The following SLX4IP variants were observed in gnomAD, a reference collection of about 807,000 sequenced individuals.
The protein encoded by SLX4IP is SLX4 interacting protein.
A neutral mutation model predicts 32.9 loss-of-function variants in SLX4IP; 34 were observed. The ratio of observed to expected loss-of-function variants is 1.03; its 90% CI spans 0.79 to 1.38. The LOEUF is 1.38. Among genes scored for constraint, SLX4IP ranks in the 40% most tolerant of loss-of-function variants. The probability of loss-of-function intolerance (pLI) is 0.00; values close to 1 mark genes in which losing one functional copy is unlikely to be tolerated. For missense variants in SLX4IP, 444 were observed against 479.0 expected (o/e 0.93, Z 0.68); for synonymous variants, 172 against 171.7 (o/e 1.00, Z -0.01).
At chr20:10,586,758 A>G (rs1373497012) in intron 4 of SLX4IP, among the ~76,000 whole-genome samples, 1 of 152,224 alleles carries the variant, frequency 6.6e-6, no homozygotes, top group African/African-American at 2.4e-5. Context: ...AAATTAAAAT[A>G]AAAGACTATT....
rs987585018 is a variant in SLX4IP at position 10,526,570 on chromosome 20, C to T, written c.28-29661C>T. Among the ~76,000 whole-genome samples, 10 of 152,104 alleles carry T rather than the reference C, an allele frequency of 6.6e-5. 1 individual carries two copies. The highest frequency in any genetic ancestry group is 6.5e-4 in the Admixed American group (10 of 15,278). On this transcript the variant is annotated intron_variant, in intron 2 of 7. Transcript: ENST00000334534. ...TTTTAGTAGGCTTCTGTATTTGTTT[C>T]CTATGGATGACATAACAAATTGCCA... is the stretch of plus-strand genomic sequence containing the variant.
intron 6 of SLX4IP, chr20:10,613,906 A>G: frequency 7.0e-7 from 1 of 1,433,186 alleles, no homozygotes; most frequent in Non-Finnish European, 9.8e-7. Context: ...ATCTTTTTAA[A>G]GAGTAGCCGC....
chr20:10,452,680 A>ATATATATATAT (rs1555805196), intron 1 of SLX4IP, among the ~76,000 whole-genome samples: 1 of 109,520 alleles, frequency 9.1e-6, no homozygotes, highest in African/African-American at 3.5e-5. Flanking sequence ...AAAAAAAAAA[A>ATATATATATAT]ATATATATAT....
At chr20:10,585,182 A>G (rs1284110469) in intron 4 of SLX4IP, among the ~76,000 whole-genome samples, 2 of 152,074 alleles carry the variant, frequency 1.3e-5, no homozygotes, top group East Asian at 3.9e-4. Context: ...GTCCTCTTTC[A>G]TACTCTCATT....
At chr20:10,488,761 A>C (rs1460185479) in intron 2 of SLX4IP, among the ~76,000 whole-genome samples, 1 of 152,176 alleles carries the variant, frequency 6.6e-6, no homozygotes, top group Non-Finnish European at 1.5e-5. Flanking sequence ...TAAGCAAAGA[A>C]TATGTTTTTT....
chr20:10,566,395 A>G (rs2066394770), intron 4 of SLX4IP, among the ~76,000 whole-genome samples: 1 of 151,354 alleles, frequency 6.6e-6, no homozygotes, highest in South Asian at 2.1e-4. Context: ...ATTGCCATAA[A>G]GAGCCTGAAA....
At chr20:10,502,375 G>T (rs34756323) in intron 2 of SLX4IP, among the ~76,000 whole-genome samples, 37,317 of 151,958 alleles carry the variant, frequency 0.25, 5,199 homozygotes, top group African/African-American at 0.38. Context: ...ATCACTCCTC[G>T]GCTCCAATGC....
At chr20:10,609,780 A>G (rs1232677871) in intron 6 of SLX4IP, among the ~76,000 whole-genome samples, 1 of 152,140 alleles carries the variant, frequency 6.6e-6, no homozygotes, top group Non-Finnish European at 1.5e-5. Context: ...GGCCTTTGTC[A>G]GAGAAGGCAT....
intron 3 of SLX4IP, among the ~76,000 whole-genome samples, chr20:10,558,448 T>C (rs1361781547): frequency 6.6e-6 from 1 of 152,136 alleles, no homozygotes; most frequent in Non-Finnish European, 1.5e-5. Context: ...GCTATGACTT[T>C]AGCTTAGGTT....
chr20:10,566,310 T>C (rs2066393417), intron 4 of SLX4IP, among the ~76,000 whole-genome samples: 2 of 124,064 alleles, frequency 1.6e-5, no homozygotes, highest in East Asian at 2.2e-4. Flanking sequence ...TTTTTTTTTT[T>C]TGTCTATATA....
intron 2 of SLX4IP, 107 bp downstream of exon 2, chr20:10,458,338 T>G (rs375181811): frequency 8.5e-7 from 1 of 1,173,706 alleles, no homozygotes; most frequent in Non-Finnish European, 1.2e-6. Context: ...CTTTTTACAC[T>G]TGGGACTCTG....
chr20:10,599,794 C>T (rs1055847793), intron 5 of SLX4IP, among the ~76,000 whole-genome samples: 3 of 152,120 alleles, frequency 2.0e-5, no homozygotes, highest in Non-Finnish European at 4.4e-5. Context: ...ATGGTAAGGA[C>T]TATCATTGCC....
At chr20:10,553,215 A>G (rs780093822) in intron 2 of SLX4IP, among the ~76,000 whole-genome samples, 8 of 152,210 alleles carry the variant, frequency 5.3e-5, no homozygotes, top group Non-Finnish European at 8.8e-5. Flanking sequence ...CTCTTTTCAT[A>G]TTACATTAAG....
chr20:10,528,298 CTGTGGGTCCATTTATCAAACAT>C (rs1205198008), intron 2 of SLX4IP, among the ~76,000 whole-genome samples: 1 of 152,140 alleles, frequency 6.6e-6, no homozygotes, highest in African/African-American at 2.4e-5. Context: ...AATGGACCTT[CTGTGGGTCCATTTATCAAACAT>C]TAGTTTGATA....
chr20:10,540,541 T>C (rs749147012), intron 2 of SLX4IP, among the ~76,000 whole-genome samples: 3 of 152,206 alleles, frequency 2.0e-5, no homozygotes, highest in Non-Finnish European at 4.4e-5. Flanking sequence ...AGGTAGCAGC[T>C]GATACAGACT....
At chr20:10,565,669 C>G (rs1316906359) in intron 4 of SLX4IP, among the ~76,000 whole-genome samples, 1 of 152,200 alleles carries the variant, frequency 6.6e-6, no homozygotes, top group Non-Finnish European at 1.5e-5. Flanking sequence ...GGATGATGGT[C>G]AACAATTTTG....
At chr20:10,527,398 A>G (rs2122458487) in intron 2 of SLX4IP, among the ~76,000 whole-genome samples, 1 of 152,336 alleles carries the variant, frequency 6.6e-6, no homozygotes, top group East Asian at 1.9e-4. Context: ...ATGATTTACC[A>G]ACTAGAGGTG....
intron 6 of SLX4IP, among the ~76,000 whole-genome samples, chr20:10,604,026 C>T (rs940287814): frequency 6.6e-6 from 1 of 152,232 alleles, no homozygotes; most frequent in Non-Finnish European, 1.5e-5. Context: ...ATTCTTATCA[C>T]TTGTTCCATA....
intron 4 of SLX4IP, among the ~76,000 whole-genome samples, chr20:10,589,412 A>G (rs901132941): frequency 2.0e-5 from 3 of 152,212 alleles, no homozygotes; most frequent in South Asian, 2.1e-4. Context: ...AATAACTTCA[A>G]GTACTCCTGA....
Sources: allele counts gnomAD v4.1 joint callset (sites outside exome capture counted in the v4.1 genomes callset), GRCh38; gene constraint gnomAD v4.1.1; transcripts MANE v1.5; gene names NCBI Gene and HGNC (gene_info 2026-07-23, HGNC 2026-07-21).